The following CADM2 variants were observed in gnomAD, a reference collection of about 807,000 sequenced individuals.
CADM2 encodes immunoglobulin superfamily member 4D.
A neutral mutation model predicts 49.8 loss-of-function variants in CADM2; 12 were observed. The ratio of observed to expected loss-of-function variants is 0.24; its 90% CI spans 0.15 to 0.39. CADM2 has a LOEUF of 0.39. Ranked by LOEUF, CADM2 falls within the 10% of genes least tolerant of loss-of-function variation. CADM2 has a pLI of 1.00. For missense variants in CADM2, 378 were observed against 492.3 expected (o/e 0.77, Z 2.20); for synonymous variants, 214 against 175.4 (o/e 1.22, Z -1.74).
intron 1 of CADM2, among the ~76,000 whole-genome samples, chr3:85,504,402 G>A (rs1183150725): frequency 2.0e-5 from 3 of 152,216 alleles, no homozygotes; most frequent in Non-Finnish European, 4.4e-5. Flanking sequence ...AAAGAACAAA[G>A]CTTCCACACT....
At chr3:85,158,853 A>T (rs562067875) in intron 1 of CADM2, among the ~76,000 whole-genome samples, 19 of 152,132 alleles carry the variant, frequency 1.2e-4, no homozygotes, top group African/African-American at 4.3e-4. Context: ...ATAATAAATA[A>T]AATAAAATAA....
chr3:85,032,419 CAA>C (rs1474003267), intron 1 of CADM2, among the ~76,000 whole-genome samples: 1 of 151,786 alleles, frequency 6.6e-6, no homozygotes, highest in Non-Finnish European at 1.5e-5. Context: ...CGCTCAGAAT[CAA>C]AAGAGACAAA....
intron 8 of CADM2, among the ~76,000 whole-genome samples, chr3:86,011,469 A>G (rs1431803834): frequency 6.6e-6 from 1 of 152,166 alleles, no homozygotes; most frequent in African/African-American, 2.4e-5. Context: ...GTATAAGAAT[A>G]TGTATACCAA....
intron 1 of CADM2, among the ~76,000 whole-genome samples, chr3:85,040,074 A>G (rs2035377301): frequency 6.6e-6 from 1 of 152,190 alleles, no homozygotes; most frequent in African/African-American, 2.4e-5. Context: ...GCACACAAAT[A>G]TTGAGTATTC....
At chr3:85,698,412 T>C (rs2066638848) in intron 1 of CADM2, among the ~76,000 whole-genome samples, 1 of 152,164 alleles carries the variant, frequency 6.6e-6, no homozygotes, top group South Asian at 2.1e-4. Context: ...TTCATTGCTA[T>C]AAAGAAATAC....
At chr3:85,970,853 C>A (rs989982055) in intron 8 of CADM2, among the ~76,000 whole-genome samples, 1 of 151,108 alleles carries the variant, frequency 6.6e-6, no homozygotes, top group African/African-American at 2.4e-5. Flanking sequence ...CAAGATAAAC[C>A]TAAAACATAT....
At chr3:85,008,352 T>A (rs1391164754) in intron 1 of CADM2, among the ~76,000 whole-genome samples, 1 of 152,194 alleles carries the variant, frequency 6.6e-6, no homozygotes, top group Non-Finnish European at 1.5e-5. Flanking sequence ...AGAAGTGGTC[T>A]CATTTGATGG....
At chr3:85,551,305 C>T (rs1362511638) in intron 1 of CADM2, among the ~76,000 whole-genome samples, 1 of 152,082 alleles carries the variant, frequency 6.6e-6, no homozygotes, top group Admixed American at 6.6e-5. Flanking sequence ...CTTAGCAATC[C>T]TTCAGCAATT....
intron 1 of CADM2, among the ~76,000 whole-genome samples, chr3:85,462,499 G>C (rs1357943340): frequency 6.6e-6 from 1 of 152,054 alleles, no homozygotes; most frequent in Non-Finnish European, 1.5e-5. Flanking sequence ...CCTTTATTGG[G>C]AATTTGTGTT....
chr3:86,021,401 A>G (rs888628478), intron 8 of CADM2, among the ~76,000 whole-genome samples: 1 of 152,076 alleles, frequency 6.6e-6, no homozygotes, highest in Non-Finnish European at 1.5e-5. Flanking sequence ...CTTCTGTCCT[A>G]TATCAGTGAT....
intron 1 of CADM2, among the ~76,000 whole-genome samples, chr3:85,013,143 A>C (rs771019144): frequency 9.1e-5 from 3 of 33,010 alleles, no homozygotes; most frequent in African/African-American, 5.0e-4. Flanking sequence ...ACTGGAAATT[A>C]AAAAAAAAAA....
intron 8 of CADM2, among the ~76,000 whole-genome samples, chr3:86,033,018 A>G (rs980474166): frequency 6.6e-6 from 1 of 151,870 alleles, no homozygotes; most frequent in Non-Finnish European, 1.5e-5. Flanking sequence ...TTCATTGAAC[A>G]ATCAAAACCT....
At chr3:85,248,527 T>G (rs2042702025) in intron 1 of CADM2, among the ~76,000 whole-genome samples, 1 of 152,156 alleles carries the variant, frequency 6.6e-6, no homozygotes, top group Non-Finnish European at 1.5e-5. Context: ...ACGCCAACCT[T>G]GGCTTCCCAA....
chr3:85,460,902 C>A (rs576995044), intron 1 of CADM2, among the ~76,000 whole-genome samples: 25 of 152,176 alleles, frequency 1.6e-4, no homozygotes, highest in African/African-American at 5.8e-4. Flanking sequence ...GAAATTGTTC[C>A]TTGTTGCAAT....
intron 8 of CADM2, among the ~76,000 whole-genome samples, chr3:86,009,059 T>G (rs2106888664): frequency 6.7e-6 from 1 of 149,614 alleles, no homozygotes; most frequent in South Asian, 2.1e-4. Flanking sequence ...AGATTGAAAC[T>G]TACAAGTTTA....
chr3:85,934,109 A>G (rs905692319), intron 6 of CADM2, among the ~76,000 whole-genome samples: 1 of 152,076 alleles, frequency 6.6e-6, no homozygotes, highest in East Asian at 1.9e-4. Flanking sequence ...TCCCAAAATT[A>G]TACATTTCTG....
chr3:85,296,343 C>G (rs1413193764), intron 1 of CADM2, among the ~76,000 whole-genome samples: 1 of 151,730 alleles, frequency 6.6e-6, no homozygotes, highest in Non-Finnish European at 1.5e-5. Flanking sequence ...ATTGATAACT[C>G]AAATTTAATA....
At chr3:85,917,194 G>C (rs906314930) in intron 6 of CADM2, among the ~76,000 whole-genome samples, 2 of 152,062 alleles carry the variant, frequency 1.3e-5, no homozygotes, top group African/African-American at 2.4e-5. Flanking sequence ...TGTCAATTTT[G>C]TCTTTTGTTG....
intron 1 of CADM2, among the ~76,000 whole-genome samples, chr3:85,521,801 C>T (rs2061031580): frequency 6.6e-6 from 1 of 151,738 alleles, no homozygotes; most frequent in Non-Finnish European, 1.5e-5. Flanking sequence ...CACTCGAAAT[C>T]AGTGAGAATC....
Sources: gnomAD v4.1 joint callset for allele counts (sites outside exome capture counted in the v4.1 genomes callset) on GRCh38, gnomAD v4.1.1 for gene constraint, MANE v1.5 for transcripts, NCBI Gene and HGNC (gene_info 2026-07-23, HGNC 2026-07-21) for gene names.